The following RFX2 variants were observed in gnomAD, a reference collection of about 807,000 sequenced individuals.
RFX2 encodes DNA-binding protein RFX2.
RFX2 carries 20 observed loss-of-function variants against 87.8 expected under a neutral mutation model. The observed-to-expected ratio is 0.23, with a 90% confidence interval of 0.16 to 0.33. The LOEUF is 0.33. RFX2 is among the 10% of genes least tolerant of loss of function. The probability of loss-of-function intolerance (pLI) is 1.00; values close to 1 mark genes in which losing one functional copy is unlikely to be tolerated. For synonymous variants in RFX2, 397 were observed against 431.3 expected, an observed-to-expected ratio of 0.92 and a Z score of 0.98; for missense variants, 767 against 1,012.3, an observed-to-expected ratio of 0.76 and a Z score of 3.29.
rs188121491 is a variant in RFX2, at chr19:6,082,694, A to T, written c.-9+27699T>A. ...GGGATCCGCCCACTTTGGCCTCCCA[A>T]AGTGTTGGGATTACAGGTGTTAGCC... On this transcript the variant is annotated intron_variant, in intron 1 of 17. Coordinates refer to ENST00000303657, the MANE Select transcript of RFX2 (RefSeq NM_000635.4). Among the ~76,000 whole-genome samples the T allele has an allele frequency of 2.0e-5, 3 of 152,144 alleles. No individual in the cohort carries two copies. In the East Asian group the frequency reaches 5.8e-4, roughly 30 times the overall value.
rs1411883461 is a variant in RFX2 at position 6,074,629 on chromosome 19, T to C, written c.-8-27125A>G. Among the ~76,000 whole-genome samples the C allele has an allele frequency of 6.6e-6, 1 of 152,118 alleles. No individual in the cohort carries two copies. Among genetic ancestry groups the C allele is most frequent in the Non-Finnish European group, 1.5e-5 (1 of 68,026 alleles). On this transcript the variant is annotated intron_variant, in intron 1 of 17. Transcript: ENST00000303657. This position sits in a 1 kb window ranked among gnomAD's most constrained non-coding sequence, Gnocchi z 5.2. ...CCTCAGGGAGAGACAGACGACACCA[T>C]GGACACAGAACAGCAGGAGGTGACA...
intron 1 of RFX2, among the ~76,000 whole-genome samples, chr19:6,048,137 C>G (rs752826359): frequency 9.9e-5 from 15 of 152,158 alleles, no homozygotes; most frequent in Admixed American, 2.0e-4. Flanking sequence ...GTGTGAGAAC[C>G]ACTGGCTAGG....
At chr19:6,031,811 A>C (rs2086957161) in intron 5 of RFX2, among the ~76,000 whole-genome samples, 1 of 151,026 alleles carries the variant, frequency 6.6e-6, no homozygotes, top group Non-Finnish European at 1.5e-5. Context: ...GGACAGTTTG[A>C]TGCCTCTGCA....
chr19:6,087,687 G>A (rs889824983), intron 1 of RFX2, among the ~76,000 whole-genome samples: 1 of 152,102 alleles, frequency 6.6e-6, no homozygotes, highest in African/African-American at 2.4e-5. Flanking sequence ...AAAAAATCCA[G>A]CTACAACAAA....
rs758198748 is a variant in RFX2 at position 6,016,157 on chromosome 19, C to T, written c.712G>A (p.Ala238Thr). 1.1e-5 allele frequency: 17 copies of T among 1,613,998 alleles called. No individual in the cohort carries two copies. The highest frequency in any genetic ancestry group is 2.2e-5 in the East Asian group (1 of 44,864). ...CGGATCAGTTTCCCGAAGGAGGCGG[C>T]GTTCACTGGGTCTAGCTTGTGCTCC... ...CQEHKLDPVN[A>T]ASFGKLIRSV... Residue 238 changes from alanine to threonine, a missense_variant, in exon 7 of 18, where the codon GCC becomes ACC. Transcript: ENST00000303657. This position sits in a 1 kb window ranked among gnomAD's most constrained non-coding sequence, Gnocchi z 5.4.
rs1036998996 is a variant in RFX2 at position 6,024,109 on chromosome 19, G to A, written c.597+2054C>T. On this transcript the variant is annotated intron_variant, in intron 6 of 17. Transcript: ENST00000303657. The surrounding 1 kb of genome is among the most constrained non-coding windows in gnomAD (Gnocchi z 5.0). ...TTCCCATAGACATTTTAACTCTCCC[G>A]TGGACTTGCTGCCTGTCCAGGCTCT... is the stretch of plus-strand genomic sequence containing the variant. 2.6e-5 allele frequency among the ~76,000 whole-genome samples: 4 copies of A among 152,230 alleles called. No homozygotes were observed. Among genetic ancestry groups the A allele is most frequent in the South Asian group, 2.1e-4 (1 of 4,822 alleles).
chr19:6,091,322 C>T (rs1170347360), intron 1 of RFX2, among the ~76,000 whole-genome samples: 1 of 152,020 alleles, frequency 6.6e-6, no homozygotes, highest in Non-Finnish European at 1.5e-5. Flanking sequence ...GAGACCTTGT[C>T]TCTACAAAAA....
Position 6,039,572 on chromosome 19 carries a change from G to A in RFX2, c.522+408C>T, listed in dbSNP as rs572636248. ...TGGCAGCGAGAACTCGGCAGAGGCTGCAGGGAAACTTCCCCTGCTTGATTC... is the reference window on the plus strand; with the variant it reads ...TGGCAGCGAGAACTCGGCAGAGGCTACAGGGAAACTTCCCCTGCTTGATTC... On this transcript the variant is annotated intron_variant, in intron 5 of 17. Coordinates refer to ENST00000303657, the MANE Select transcript of RFX2 (RefSeq NM_000635.4). This position sits in a 1 kb window ranked among gnomAD's most constrained non-coding sequence, Gnocchi z 5.2. Among the ~76,000 whole-genome samples the A allele has an allele frequency of 6.6e-6, 1 of 152,354 alleles. No homozygotes were observed. The highest frequency in any genetic ancestry group is 2.4e-5 in the African/African-American group (1 of 41,590).
At chr19:6,003,778 CAAAAAAAAAAAA>C (rs57470328) in intron 13 of RFX2, among the ~76,000 whole-genome samples, 23 of 42,010 alleles carry the variant, frequency 5.5e-4, no homozygotes, top group Admixed American at 4.5e-3. Flanking sequence ...GACTCTGTCT[CAAAAAAAAAAAA>C]AAAAAAAAAA....
intron 1 of RFX2, among the ~76,000 whole-genome samples, chr19:6,095,021 A>C (rs1423017318): frequency 6.6e-6 from 1 of 152,222 alleles, no homozygotes; most frequent in Non-Finnish European, 1.5e-5. Flanking sequence ...CTGAGGCAGG[A>C]GAATGGTGTG....
chr19:6,049,994 G>A (rs1215493929), intron 1 of RFX2, among the ~76,000 whole-genome samples: 1 of 152,224 alleles, frequency 6.6e-6, no homozygotes, highest in Non-Finnish European at 1.5e-5. Context: ...CTGAATGCTG[G>A]GGTGTGGAGA....
chr19:6,036,623 C>T (rs553829430), intron 5 of RFX2, among the ~76,000 whole-genome samples: 1 of 152,138 alleles, frequency 6.6e-6, no homozygotes, highest in Non-Finnish European at 1.5e-5. Flanking sequence ...ATTAACACCC[C>T]AATGAAGACA....
In RFX2 at chr19:6,001,819, A is replaced by G; in HGVS notation, c.1855T>C (p.Tyr619His). 6.2e-7 allele frequency: 1 copy of G among 1,607,942 alleles called. No individual in the cohort carries two copies. The highest frequency in any genetic ancestry group is 8.5e-7 in the Non-Finnish European group (1 of 1,176,562). The change falls in exon 15 of 18, where the codon TAC (tyrosine) becomes CAC (histidine). Residue 619 changes from tyrosine (Y) to histidine (H), a missense_variant. This residue lies in a region of RFX2 where 621 missense variants were observed against 873.0 expected (regional missense o/e 0.71). Coordinates refer to ENST00000303657, the MANE Select transcript of RFX2 (RefSeq NM_000635.4). This position sits in a 1 kb window ranked among gnomAD's most constrained non-coding sequence, Gnocchi z 5.6. The stretch of plus-strand genomic sequence containing the variant: ...CGGAGGTCTGGTGGGACTAACCTGT[A>G]AAAGGACCATTTCAGCAAGAACTGC... ...ARQFLLKWSF[Y>H]SSMVIRDLTL...
chr19:6,074,994 A>ATG lies in RFX2; in HGVS notation c.-8-27492_-8-27491dup, dbSNP rs572299551. On this transcript the variant is annotated intron_variant, in intron 1 of 17. Transcript: ENST00000303657. This position sits in a 1 kb window ranked among gnomAD's most constrained non-coding sequence, Gnocchi z 5.2. ...GTGATTAGGTCATGAGGGTGGGATCATGCCCTCCCTTATGGAAGGGACCCC... is the reference window on the plus strand; with the variant it reads ...GTGATTAGGTCATGAGGGTGGGATCATGTGCCCTCCCTTATGGAAGGGACCCC... Among the ~76,000 whole-genome samples, 842 of 152,210 alleles carry ATG rather than the reference A, an allele frequency of 5.5e-3. 23 individuals carry two copies. The South Asian group carries it at 0.087, about 16-fold the overall frequency.
chr19:6,102,667 G>C (rs944397073), intron 1 of RFX2, among the ~76,000 whole-genome samples: 11 of 152,284 alleles, frequency 7.2e-5, no homozygotes, highest in Middle Eastern at 3.4e-3. Flanking sequence ...TTCCTGGAAG[G>C]CTCTTCCTTC....
At chr19:6,092,839 G>T (rs568855746) in intron 1 of RFX2, among the ~76,000 whole-genome samples, 1 of 152,272 alleles carries the variant, frequency 6.6e-6, no homozygotes, top group South Asian at 2.1e-4. Flanking sequence ...TTTTCACGAG[G>T]CTGTCAAAGG....
At chr19:6,000,039 A>C (rs1033356074) in intron 15 of RFX2, among the ~76,000 whole-genome samples, 6 of 151,476 alleles carry the variant, frequency 4.0e-5, no homozygotes, top group African/African-American at 1.5e-4. Flanking sequence ...GGCTGGAGTG[A>C]AATAGCACGG....
At chr19:6,000,146 G>C (rs1403689952) in intron 15 of RFX2, among the ~76,000 whole-genome samples, 1 of 152,070 alleles carries the variant, frequency 6.6e-6, no homozygotes, top group Admixed American at 6.6e-5. Flanking sequence ...CACCACGCCT[G>C]ACTAATTTTT....
At chr19:6,108,776 C>T (rs1328558212) in intron 1 of RFX2, among the ~76,000 whole-genome samples, 1 of 152,124 alleles carries the variant, frequency 6.6e-6, no homozygotes, top group Non-Finnish European at 1.5e-5. Context: ...CCCATTCTTG[C>T]CGCACAACCA....
Sources: gnomAD v4.1 joint callset for allele counts (sites outside exome capture counted in the v4.1 genomes callset) on GRCh38, gnomAD v4.1.1 for gene constraint, gnomAD v4.1.1 regional missense constraint, Gnocchi (gnomAD v3.1) non-coding constraint, MANE v1.5 for transcripts, NCBI Gene and HGNC (gene_info 2026-07-23, HGNC 2026-07-21) for gene names.